Variants in PHTF2 observed in about 807,000 individuals in gnomAD.
PHTF2 encodes the protein protein PHTF2.
A neutral mutation model predicts 101.2 loss-of-function variants in PHTF2; 60 were observed. The observed-to-expected ratio is 0.59, with a 90% CI of 0.48 to 0.73. The LOEUF is 0.73. Among genes scored for constraint, PHTF2 ranks in the 30% least tolerant of loss-of-function variants. PHTF2 has a pLI of 0.00. For missense variants in PHTF2, 747 were observed against 908.7 expected (o/e 0.82, Z 2.29); for synonymous variants, 311 against 307.3 (o/e 1.01, Z -0.13).
intron 5 of PHTF2, among the ~76,000 whole-genome samples, chr7:77,898,763 T>C (rs1469526821): frequency 6.6e-6 from 1 of 152,134 alleles, no homozygotes; most frequent in Non-Finnish European, 1.5e-5. Context: ...GTAAATCATA[T>C]CTGAACAGAG....
intron 3 of PHTF2, among the ~76,000 whole-genome samples, chr7:77,868,618 G>T (rs1441054889): frequency 6.6e-6 from 1 of 152,106 alleles, no homozygotes; most frequent in Admixed American, 6.5e-5. Flanking sequence ...ATCTAAACAA[G>T]TAATTTGAAA....
chr7:77,840,111 C>T, intron 1 of PHTF2, 110 bp from the exon 2 acceptor site: 1 of 549,200 alleles, frequency 1.8e-6, no homozygotes, highest in Non-Finnish European at 3.3e-6. Context: ...TAAGTCTCGT[C>T]ATACACCCCT....
rs1034199714 is a variant in PHTF2, at chr7:77,823,614, T to A, written c.-35-16607T>A. On this transcript the variant is annotated intron_variant, in intron 1 of 19. Transcript: ENST00000416283. The stretch of plus-strand genomic sequence containing the variant: ...TTTCCTTAGAAGGAATTGAGGTAAC[T>A]TTTCAAATAGATCAGAACAAGGAGA... 2.6e-5 allele frequency among the ~76,000 whole-genome samples: 4 copies of A among 152,244 alleles called. No individual in the cohort carries two copies. In the East Asian group the frequency reaches 5.8e-4, roughly 22 times the overall value.
chr7:77,886,974 A>G (rs572256588), intron 3 of PHTF2, among the ~76,000 whole-genome samples: 13 of 151,600 alleles, frequency 8.6e-5, no homozygotes, highest in African/African-American at 2.9e-4. Context: ...TGAGCCTGGG[A>G]GATCAAGGTT....
At chr7:77,845,662 T>C (rs904395670) in intron 2 of PHTF2, among the ~76,000 whole-genome samples, 1 of 152,188 alleles carries the variant, frequency 6.6e-6, no homozygotes, top group Non-Finnish European at 1.5e-5. Context: ...CGTGTGTGTG[T>C]GTATGTGTGT....
At chr7:77,910,469 T>G in intron 9 of PHTF2, 60 bp downstream of exon 8, 1 of 1,206,052 alleles carries the variant, frequency 8.3e-7, no homozygotes. Context: ...TTTCTGGCAC[T>G]TCAGTCTCAG....
intron 11 of PHTF2, among the ~76,000 whole-genome samples, chr7:77,928,696 A>G (rs554000784): frequency 8.7e-4 from 132 of 152,328 alleles, no homozygotes; most frequent in Non-Finnish European, 1.6e-3. Context: ...TGTATTTTCT[A>G]TCTGCAGATG....
At chr7:77,946,495 A>G (rs1806060060) in intron 16 of PHTF2, among the ~76,000 whole-genome samples, 1 of 152,156 alleles carries the variant, frequency 6.6e-6, no homozygotes, top group Non-Finnish European at 1.5e-5. Context: ...ATGATTGTTT[A>G]TATAGAATAT....
chr7:77,909,604 G>T (rs1262557489), intron 8 of PHTF2: 1 of 152,434 alleles, frequency 6.6e-6, no homozygotes, highest in Non-Finnish European at 1.5e-5. Context: ...CTGGGCTCAA[G>T]CGATCCTCCC....
At chr7:77,806,888 G>A (rs1224129156) in intron 1 of PHTF2, among the ~76,000 whole-genome samples, 1 of 152,006 alleles carries the variant, frequency 6.6e-6, no homozygotes, top group East Asian at 1.9e-4. Flanking sequence ...TATTTTATGA[G>A]AACCTTTTAA....
chr7:77,929,381 TA>T, intron 12 of PHTF2, 54 bp downstream of exon 11: 1 of 863,668 alleles, frequency 1.2e-6, no homozygotes, highest in Non-Finnish European at 1.9e-6. Context: ...CCTTTGAATT[TA>T]TGTTCAAATG....
chr7:77,927,156 TCAAA>T (rs1804087152), intron 11 of PHTF2, among the ~76,000 whole-genome samples: 1 of 17,068 alleles, frequency 5.9e-5, no homozygotes, highest in African/African-American at 1.8e-4. Context: ...AGACTCCATC[TCAAA>T]AAAAAAAAAA....
At chr7:77,923,047 T>C in intron 11 of PHTF2, 4 of 1,100,902 alleles carry the variant, frequency 3.6e-6, no homozygotes, top group Non-Finnish European at 4.4e-6. Flanking sequence ...AAGAAGAACA[T>C]TCTGGAGAGA....
intron 3 of PHTF2, among the ~76,000 whole-genome samples, chr7:77,857,877 A>G (rs2150658308): frequency 1.3e-5 from 2 of 152,280 alleles, no homozygotes; most frequent in East Asian, 3.9e-4. Context: ...GTCAACCCAG[A>G]GTTATTGCTT....
chr7:77,942,588 A>C, intron 15 of PHTF2, 112 bp from the exon 15 acceptor site: 1 of 539,252 alleles, frequency 1.9e-6, no homozygotes, highest in South Asian at 3.2e-5. Context: ...GTGGGCTGTG[A>C]TCAACTGATG....
At chr7:77,842,395 G>A (rs1405639818) in intron 2 of PHTF2, among the ~76,000 whole-genome samples, 1 of 151,984 alleles carries the variant, frequency 6.6e-6, no homozygotes, top group African/African-American at 2.4e-5. Context: ...GTAGAGACGG[G>A]GTTTTGCCAT....
chr7:77,900,583 A>T, intron 5 of PHTF2, 128 bp from the exon 5 acceptor site: 1 of 661,246 alleles, frequency 1.5e-6, no homozygotes, highest in South Asian at 1.6e-5. Context: ...TAACAAATGC[A>T]TAATGTGTTA....
chr7:77,842,292 C>A (rs1443240667), intron 2 of PHTF2, among the ~76,000 whole-genome samples: 1 of 152,168 alleles, frequency 6.6e-6, no homozygotes, highest in Admixed American at 6.5e-5. Flanking sequence ...CAGCCTTGAC[C>A]TCCTGGGTTC....
At chr7:77,872,732 T>C (rs1056651038) in intron 3 of PHTF2, among the ~76,000 whole-genome samples, 32 of 152,282 alleles carry the variant, frequency 2.1e-4, no homozygotes, top group African/African-American at 7.5e-4. Context: ...AAGGCATTGG[T>C]CAAGAGTACC....
Sources: gnomAD v4.1 joint callset for allele counts (sites outside exome capture counted in the v4.1 genomes callset) on GRCh38, gnomAD v4.1.1 for gene constraint, MANE v1.5 for transcripts, NCBI Gene and HGNC (gene_info 2026-07-23, HGNC 2026-07-21) for gene names.